CKAP5: variants seen among roughly 807,000 people sequenced by gnomAD.
CKAP5 encodes the protein cytoskeleton associated protein 5, also known as cytoskeleton-associated protein 5.
Under a neutral mutation model 232.8 loss-of-function variants are expected in CKAP5, and 27 were observed. The ratio of observed to expected loss-of-function variants is 0.12; its 90% CI spans 0.09 to 0.16. CKAP5 has a LOEUF of 0.16. Among genes scored for constraint, CKAP5 ranks in the 10% least tolerant of loss-of-function variants. The pLI is 1.00. For missense variants in CKAP5, 1,838 were observed against 2,424.7 expected (o/e 0.76, Z 5.08); for synonymous variants, 785 against 841.1 (o/e 0.93, Z 1.16).
chr11:46,817,087 C>T lies in CKAP5; in HGVS notation c.252-683G>A, dbSNP rs1441833526. Reference sequence around the variant, plus strand: ...CGCCATTGCACTCCAGCCAGGGCAACAAGTACGAAACTGTGTATCAAAAAG... The same window carrying T: ...CGCCATTGCACTCCAGCCAGGGCAATAAGTACGAAACTGTGTATCAAAAAG... On this transcript the variant is annotated intron_variant, in intron 3 of 43. Coordinates refer to ENST00000529230, the MANE Select transcript of CKAP5 (RefSeq NM_001008938.4). Among the ~76,000 whole-genome samples, 7 of 141,280 alleles carry T rather than the reference C, an allele frequency of 5.0e-5. No homozygotes were observed. In the East Asian group the frequency reaches 1.4e-3, roughly 29 times the overall value. The allele number at this position is 141,280 out of a possible 152,430, so 92.7% of individuals were successfully genotyped here.
chr11:46,837,333 C>A (rs894764765), intron 1 of CKAP5, among the ~76,000 whole-genome samples: 3 of 152,076 alleles, frequency 2.0e-5, no homozygotes, highest in Non-Finnish European at 4.4e-5. Flanking sequence ...TTTTCCCCCC[C>A]GCCCATACTA....
chr11:46,832,332 A>G (rs1039768710), intron 1 of CKAP5, among the ~76,000 whole-genome samples: 3 of 152,216 alleles, frequency 2.0e-5, no homozygotes, highest in Non-Finnish European at 4.4e-5. Flanking sequence ...CTTTTTTATT[A>G]TAAGATCCAC....
At chr11:46,843,751 G>A (rs1456913881) in intron 1 of CKAP5, among the ~76,000 whole-genome samples, 1 of 147,128 alleles carries the variant, frequency 6.8e-6, no homozygotes, top group African/African-American at 2.5e-5. Context: ...AAAAAAAATT[G>A]AGAGAACACA....
At position 46,769,989 on chromosome 11, in the gene CKAP5, G is replaced by A. The variant is rs566585347; in HGVS notation, c.3296C>T (p.Ala1099Val). 1.2e-6 allele frequency: 2 copies of A among 1,614,120 alleles called. No homozygotes were observed. The highest frequency in any genetic ancestry group is 2.2e-5 in the East Asian group (1 of 44,884). Residue 1099 changes from alanine to valine, a missense_variant, in exon 26 of 44, where the codon GCT (alanine) becomes GTT (valine). Around this residue, in one of 6 missense-constraint regions of CKAP5, gnomAD observed 767 missense variants for 954.6 expected, o/e 0.80. Coordinates refer to ENST00000529230, the MANE Select transcript of CKAP5 (RefSeq NM_001008938.4). ...TGATGCAGGCTGGAATTTGGCTGGA[G>A]CGGACCCTCCCATTGGTTTAGAAGT... ...KATSKPMGGS[A>V]PAKFQPASAP...
intron 18 of CKAP5, among the ~76,000 whole-genome samples, chr11:46,782,677 C>A (rs2065354428): frequency 6.6e-6 from 1 of 152,150 alleles, no homozygotes; most frequent in African/African-American, 2.4e-5. Flanking sequence ...CTATGATGGG[C>A]CCAAATTACT....
chr11:46,743,889 C>G lies in CKAP5; in HGVS notation c.*134G>C. On this transcript the variant is annotated 3_prime_UTR_variant, in exon 44 of 44. Transcript: ENST00000529230. ...TGTACAAATACTTGTGCCACAATGA[C>G]TCCTCCCCCTAGCTCCACGGCATGA... is the stretch of plus-strand genomic sequence containing the variant. 1 of 1,089,260 alleles carries G rather than the reference C, an allele frequency of 9.2e-7. No homozygotes were observed. Among genetic ancestry groups the G allele is most frequent in the East Asian group, 2.4e-5 (1 of 42,068 alleles). 67.5% of individuals were successfully genotyped at this position (1,089,260 alleles called of 1,614,324 possible). A position where few individuals can be genotyped will look rare whatever the true frequency, so the allele number is the denominator to read the frequency against.
chr11:46,799,347 A>G (rs1938972809), intron 9 of CKAP5, among the ~76,000 whole-genome samples: 1 of 152,210 alleles, frequency 6.6e-6, no homozygotes. Context: ...TCAAGATTTC[A>G]CAGAAGTGGT....
At chr11:46,771,147 T>C (rs2065244529) in intron 24 of CKAP5, among the ~76,000 whole-genome samples, 165 bp from the exon 25 acceptor site, 1 of 152,222 alleles carries the variant, frequency 6.6e-6, no homozygotes, top group Non-Finnish European at 1.5e-5. Context: ...CTGTGCTAAA[T>C]TTAAATAACA....
intron 24 of CKAP5, among the ~76,000 whole-genome samples, chr11:46,774,615 A>T (rs753377646): frequency 2.0e-5 from 3 of 152,232 alleles, no homozygotes; most frequent in African/African-American, 4.8e-5. Flanking sequence ...TAACCAAAAC[A>T]GCATGGTACT....
At chr11:46,839,582 C>T (rs564375607) in intron 1 of CKAP5, among the ~76,000 whole-genome samples, 100 of 152,202 alleles carry the variant, frequency 6.6e-4, no homozygotes, top group African/African-American at 2.3e-3. Flanking sequence ...ACTATCATGC[C>T]TGTCATTCAT....
Position 46,744,406 on chromosome 11 carries a change from C to G in CKAP5, c.5856+20G>C. 6.2e-7 allele frequency: 1 copy of G among 1,614,128 alleles called. No individual in the cohort carries two copies. The highest frequency in any genetic ancestry group is 8.5e-7 in the Non-Finnish European group (1 of 1,180,028). Reference sequence around the variant, plus strand: ...TTGTGACTACCCTCCCTGAACTGCACAGAAGAAAAGGAGCAGTACCTTTGT... The same window carrying G: ...TTGTGACTACCCTCCCTGAACTGCAGAGAAGAAAAGGAGCAGTACCTTTGT... On this transcript the variant is annotated intron_variant, in intron 43 of 43. Transcript: ENST00000529230.
At chr11:46,811,777 A>G (rs896686594) in intron 4 of CKAP5, among the ~76,000 whole-genome samples, 1 of 152,232 alleles carries the variant, frequency 6.6e-6, no homozygotes, top group African/African-American at 2.4e-5. Context: ...CACCCAGCCT[A>G]ATACCACAAA....
intron 17 of CKAP5, among the ~76,000 whole-genome samples, chr11:46,783,774 C>T (rs1475131290): frequency 6.6e-6 from 1 of 151,878 alleles, no homozygotes; most frequent in African/African-American, 2.4e-5. Flanking sequence ...GGCGTGATCT[C>T]GGCTCACTGC....
intron 42 of CKAP5, among the ~76,000 whole-genome samples, chr11:46,744,866 G>A (rs1258709943): frequency 1.3e-5 from 2 of 152,148 alleles, no homozygotes; most frequent in Non-Finnish European, 2.9e-5. Flanking sequence ...GGGCTGACTT[G>A]GGCAATCCAA....
Position 46,780,534 on chromosome 11 carries a change from TACTC to T in CKAP5, c.2250-53_2250-50del, listed in dbSNP as rs550925011. 4,532 of 1,526,580 alleles carry T rather than the reference TACTC, an allele frequency of 3.0e-3. 22 individuals are homozygous for T. The highest frequency in any genetic ancestry group is 4.8e-3 in the Middle Eastern group (26 of 5,462). 94.6% of individuals were successfully genotyped at this position (1,526,580 alleles called of 1,614,324 possible). A position where few individuals can be genotyped will look rare whatever the true frequency, so the allele number is the denominator to read the frequency against. On this transcript the variant is annotated intron_variant, in intron 18 of 43. Coordinates refer to ENST00000529230, the MANE Select transcript of CKAP5 (RefSeq NM_001008938.4). ...AAGCAAACAAATGAAACCCTCAAAA[TACTC>T]AATAACGTTTTATAAAGCCAGACTC...
intron 13 of CKAP5, 91 bp from the exon 14 acceptor site, chr11:46,790,674 A>G: frequency 1.1e-6 from 1 of 908,758 alleles, no homozygotes; most frequent in Non-Finnish European, 1.6e-6. Flanking sequence ...ACAGTGTCTC[A>G]TATTGTTGTC....
chr11:46,774,938 G>A (rs904914995), intron 24 of CKAP5, among the ~76,000 whole-genome samples: 3 of 152,054 alleles, frequency 2.0e-5, no homozygotes, highest in South Asian at 2.1e-4. Flanking sequence ...CAAAGACTTC[G>A]TGACTAAAAC....
At chr11:46,754,385 A>G (rs2065094945) in intron 36 of CKAP5, among the ~76,000 whole-genome samples, 1 of 152,186 alleles carries the variant, frequency 6.6e-6, no homozygotes, top group Admixed American at 6.5e-5. Flanking sequence ...CCACCCTTTT[A>G]GCCCCAGTTT....
At position 46,784,514 on chromosome 11, in the gene CKAP5, A is replaced by G. The variant is rs1442138581; in HGVS notation, c.2128T>C (p.Cys710Arg). ...TGTTCAGCAGTCCATGGTAACATAC[A>G]GGCTTCGGCTATTGCTGTCATAGCT... ...KEAMTAIAEA[C>R]MLPWTAEQVV... Residue 710 changes from cysteine to arginine, a missense_variant, in exon 17 of 44, where the codon TGT (cysteine) becomes CGT (arginine). By Grantham distance (180) the Cys-to-Arg change is radical. Coordinates refer to ENST00000529230, the MANE Select transcript of CKAP5 (RefSeq NM_001008938.4). 6 of 1,613,934 alleles carry G rather than the reference A, an allele frequency of 3.7e-6. No homozygotes were observed. Among genetic ancestry groups the G allele is most frequent in the Non-Finnish European group, 4.2e-6 (5 of 1,179,948 alleles).
Sources: gnomAD v4.1 joint callset for allele counts (sites outside exome capture counted in the v4.1 genomes callset) on GRCh38, gnomAD v4.1.1 for gene constraint, gnomAD v4.1.1 regional missense constraint, MANE v1.5 for transcripts, NCBI Gene and HGNC (gene_info 2026-07-23, HGNC 2026-07-21) for gene names.